CNTN3: variants seen among roughly 807,000 people sequenced by gnomAD.
CNTN3 encodes contactin-3.
In CNTN3, 60 loss-of-function variants were observed where a neutral mutation model predicts 119.1. The observed-to-expected ratio is 0.50, with a 90% CI of 0.41 to 0.62. The LOEUF (loss-of-function observed/expected upper bound fraction) is 0.62. Ranked by LOEUF, CNTN3 falls within the 20% of genes least tolerant of loss-of-function variation. The pLI is 0.00. For missense variants in CNTN3, 1,101 were observed against 1,242.4 expected, an observed-to-expected ratio of 0.89 and a Z score of 1.71; for synonymous variants, 450 against 438.7, an observed-to-expected ratio of 1.03 and a Z score of -0.32.
chr3:74,465,242 TC>T (rs773105097), intron 4 of CNTN3, among the ~76,000 whole-genome samples: 1 of 152,128 alleles, frequency 6.6e-6, no homozygotes, highest in Non-Finnish European at 1.5e-5. Flanking sequence ...GACTTTGTGT[TC>T]CATTCCGGGG....
At chr3:74,562,786 T>C (rs2107175959) in intron 1 of CNTN3, among the ~76,000 whole-genome samples, 1 of 152,148 alleles carries the variant, frequency 6.6e-6, no homozygotes, top group East Asian at 1.9e-4. Context: ...ATGCCAACTT[T>C]TCCAATCCTT....
In CNTN3 at chr3:74,430,459, A is replaced by G. The variant is rs184258676; in HGVS notation, c.359-5519T>C. ...AAATTCAAATTTAGAAATAGGGTTT[A>G]GTGCTGGGCATGGTGTTTTACAACT... On this transcript the variant is annotated intron_variant, in intron 4 of 22. Coordinates refer to ENST00000263665, the MANE Select transcript of CNTN3 (RefSeq NM_020872.3). 2.1e-3 allele frequency among the ~76,000 whole-genome samples: 325 copies of G among 152,324 alleles called. 1 individual carries two copies. Among genetic ancestry groups the G allele is most frequent in the African/African-American group, 7.4e-3 (309 of 41,574 alleles).
intron 13 of CNTN3, among the ~76,000 whole-genome samples, chr3:74,304,429 C>T (rs1240767855): frequency 1.3e-5 from 2 of 152,268 alleles, no homozygotes; most frequent in East Asian, 3.9e-4. Flanking sequence ...ATTATCACTT[C>T]TATGGAAATC....
chr3:74,484,675 T>C (rs1209786530), intron 4 of CNTN3, among the ~76,000 whole-genome samples: 1 of 152,122 alleles, frequency 6.6e-6, no homozygotes, highest in Non-Finnish European at 1.5e-5. Flanking sequence ...TCCTCCAATA[T>C]ACAACCAAGC....
At chr3:74,408,667 G>A (rs1408687903) in intron 5 of CNTN3, among the ~76,000 whole-genome samples, 1 of 151,994 alleles carries the variant, frequency 6.6e-6, no homozygotes, top group Non-Finnish European at 1.5e-5. Flanking sequence ...TTTGTAATTA[G>A]ACAGGGTATT....
At chr3:74,445,245 C>T (rs575954339) in intron 4 of CNTN3, among the ~76,000 whole-genome samples, 44 of 151,950 alleles carry the variant, frequency 2.9e-4, no homozygotes, top group Admixed American at 2.5e-3. Flanking sequence ...ATTGTAACTA[C>T]TTTTTTGTTT....
At chr3:74,428,814 G>T (rs940360326) in intron 4 of CNTN3, among the ~76,000 whole-genome samples, 5 of 152,092 alleles carry the variant, frequency 3.3e-5, no homozygotes, top group Admixed American at 1.3e-4. Context: ...TCCATTCATG[G>T]TAAGTGTTCA....
Position 74,351,756 on chromosome 3 carries a change from TAG to T in CNTN3, c.1364+10132_1364+10133del, listed in dbSNP as rs1275967595. Among the ~76,000 whole-genome samples, 10 of 152,206 alleles carry T rather than the reference TAG, an allele frequency of 6.6e-5. No individual in the cohort carries two copies. In the East Asian group the frequency reaches 1.5e-3, roughly 24 times the overall value. On this transcript the variant is annotated intron_variant, in intron 11 of 22. Coordinates refer to ENST00000263665, the MANE Select transcript of CNTN3 (RefSeq NM_020872.3). Reference sequence around the variant, plus strand: ...ATGCTGGTGGTGGAGGGTAGGGTATTAGAGAGAGGAGGTGATTATCACACCAT... The same window carrying T: ...ATGCTGGTGGTGGAGGGTAGGGTATTAGAGAGGAGGTGATTATCACACCAT...
intron 13 of CNTN3, among the ~76,000 whole-genome samples, chr3:74,311,058 C>T (rs1702673504): frequency 6.6e-6 from 1 of 152,102 alleles, no homozygotes; most frequent in African/African-American, 2.4e-5. Context: ...GCCAAGAATC[C>T]AAGATAGGTT....
At chr3:74,527,652 A>G (rs536129389) in intron 1 of CNTN3, among the ~76,000 whole-genome samples, 4 of 151,970 alleles carry the variant, frequency 2.6e-5, no homozygotes, top group African/African-American at 9.7e-5. Flanking sequence ...TCAAAATGTT[A>G]GATAACATGT....
At chr3:74,383,307 C>T (rs1233029445) in intron 5 of CNTN3, among the ~76,000 whole-genome samples, 1 of 152,028 alleles carries the variant, frequency 6.6e-6, no homozygotes, top group Non-Finnish European at 1.5e-5. Context: ...TTCAACACTC[C>T]ACCTATCTAG....
At chr3:74,372,339 T>G (rs937543169) in intron 5 of CNTN3, among the ~76,000 whole-genome samples, 5 of 152,136 alleles carry the variant, frequency 3.3e-5, no homozygotes, top group African/African-American at 1.2e-4. Flanking sequence ...GAGAGTTTTC[T>G]TGAACTTTAT....
At chr3:74,481,817 A>G (rs977165202) in intron 4 of CNTN3, among the ~76,000 whole-genome samples, 4 of 151,766 alleles carry the variant, frequency 2.6e-5, no homozygotes, top group Non-Finnish European at 5.9e-5. Flanking sequence ...AACAAATTAT[A>G]TTTTAAAAGT....
intron 2 of CNTN3, among the ~76,000 whole-genome samples, chr3:74,504,249 C>T (rs796705787): frequency 1.4e-4 from 21 of 152,184 alleles, no homozygotes; most frequent in African/African-American, 5.1e-4. Context: ...CAGGGTAAAT[C>T]ACAACAGGGT....
At chr3:74,461,666 G>T (rs1322580720) in intron 4 of CNTN3, among the ~76,000 whole-genome samples, 1 of 151,906 alleles carries the variant, frequency 6.6e-6, no homozygotes, top group East Asian at 1.9e-4. Context: ...CAATCCTTTT[G>T]TATCTACTTT....
At chr3:74,584,452 G>GAGGGTA (rs1171087578) in intron 1 of CNTN3, among the ~76,000 whole-genome samples, 1 of 152,044 alleles carries the variant, frequency 6.6e-6, no homozygotes, top group Non-Finnish European at 1.5e-5. Flanking sequence ...GTGCCATTCT[G>GAGGGTA]AGGGTAACGA....
At chr3:74,444,993 A>G (rs905880416) in intron 4 of CNTN3, among the ~76,000 whole-genome samples, 19 of 152,298 alleles carry the variant, frequency 1.2e-4, no homozygotes, top group Admixed American at 1.0e-3. Context: ...ACTTGAAGGG[A>G]TTAAATACAG....
At chr3:74,611,263 C>T (rs138103387) in intron 1 of CNTN3, among the ~76,000 whole-genome samples, 256 of 152,248 alleles carry the variant, frequency 1.7e-3, no homozygotes, top group African/African-American at 5.5e-3. Flanking sequence ...AAAGATTCTA[C>T]AAATATTTAC....
At chr3:74,580,051 G>T (rs746090255) in intron 1 of CNTN3, among the ~76,000 whole-genome samples, 1 of 152,144 alleles carries the variant, frequency 6.6e-6, no homozygotes, top group Non-Finnish European at 1.5e-5. Flanking sequence ...GGATGAAAAG[G>T]GCAACATCAC....
Sources: allele counts gnomAD v4.1 joint callset (sites outside exome capture counted in the v4.1 genomes callset), GRCh38; gene constraint gnomAD v4.1.1; transcripts MANE v1.5; gene names NCBI Gene and HGNC (gene_info 2026-07-23, HGNC 2026-07-21).